RAI1: variants seen among roughly 807,000 people sequenced by gnomAD.
RAI1 encodes retinoic acid-induced protein 1.
A neutral mutation model predicts 123.8 loss-of-function variants in RAI1; 9 were observed. That is an observed-to-expected ratio of 0.07 (90% CI 0.04 to 0.13). The LOEUF (loss-of-function observed/expected upper bound fraction) is 0.13. RAI1 is among the 10% of genes least tolerant of loss of function. The pLI, the probability that RAI1 is intolerant of heterozygous loss-of-function variation, is 1.00. For missense variants in RAI1, 2,256 were observed against 2,545.8 expected, an observed-to-expected ratio of 0.89 and a Z score of 2.45; for synonymous variants, 1,231 against 1,127.3, an observed-to-expected ratio of 1.09 and a Z score of -1.84.
intron 2 of RAI1, among the ~76,000 whole-genome samples, chr17:17,782,785 C>T (rs966958835): frequency 2.6e-5 from 4 of 152,142 alleles, no homozygotes; most frequent in African/African-American, 9.7e-5. Context: ...TTTCTCCACA[C>T]CGCCGGCCGT....
At chr17:17,787,763 C>T (rs1268579132) in intron 2 of RAI1, among the ~76,000 whole-genome samples, 1 of 152,198 alleles carries the variant, frequency 6.6e-6, no homozygotes, top group African/African-American at 2.4e-5. Flanking sequence ...GACCTGGGCA[C>T]CTAGGCAGGG....
chr17:17,783,641 C>A (rs2031706596), intron 2 of RAI1, among the ~76,000 whole-genome samples: 1 of 152,184 alleles, frequency 6.6e-6, no homozygotes, highest in African/African-American at 2.4e-5. Context: ...TAACCCTGCT[C>A]GCGCTGGGGC....
rs568931421 is a variant in RAI1 at position 17,714,134 on chromosome 17, T to G, written c.-148-9894T>G. ...CCCTCCTTCCATTTCTGGGCAGCCC[T>G]GCCTGCTAGCAAGCTCTTCCTTATA... On this transcript the variant is annotated intron_variant, in intron 1 of 5. Transcript: ENST00000353383. This position sits in a 1 kb window ranked among gnomAD's most constrained non-coding sequence, Gnocchi z 4.9. Among the ~76,000 whole-genome samples the G allele has an allele frequency of 6.6e-6, 1 of 152,238 alleles. No individual in the cohort carries two copies. Among genetic ancestry groups the G allele is most frequent in the South Asian group, 2.1e-4 (1 of 4,826 alleles).
At chr17:17,688,045 A>AT (rs920073604) in intron 1 of RAI1, among the ~76,000 whole-genome samples, 1 of 139,270 alleles carries the variant, frequency 7.2e-6, no homozygotes, top group Non-Finnish European at 1.6e-5. Flanking sequence ...AAAAAAAAAA[A>AT]AGTGAGTGTT....
intron 1 of RAI1, among the ~76,000 whole-genome samples, chr17:17,720,715 T>G (rs1001696827): frequency 1.3e-5 from 2 of 152,174 alleles, no homozygotes; most frequent in Non-Finnish European, 2.9e-5. Flanking sequence ...GGCAAGTTCT[T>G]TGCAGGCTCT....
At chr17:17,773,270 C>T (rs1456775185) in intron 2 of RAI1, among the ~76,000 whole-genome samples, 3 of 152,272 alleles carry the variant, frequency 2.0e-5, no homozygotes, top group East Asian at 1.9e-4. Flanking sequence ...CTGTGCCCAG[C>T]GTGGAGGCTC....
chr17:17,682,978 C>T (rs1914493651), intron 1 of RAI1, among the ~76,000 whole-genome samples: 1 of 152,152 alleles, frequency 6.6e-6, no homozygotes, highest in Non-Finnish European at 1.5e-5. Flanking sequence ...GCGCGCCGCA[C>T]ACTCTCCCGC....
intron 2 of RAI1, 117 bp from the exon 3 acceptor site, chr17:17,792,816 G>A: frequency 1.2e-6 from 1 of 825,746 alleles, no homozygotes; most frequent in Non-Finnish European, 2.0e-6. Context: ...TGGGTGGGAG[G>A]GTGCTTTCTG....
chr17:17,755,383 G>GGAGA (rs1189805272), intron 2 of RAI1, among the ~76,000 whole-genome samples: 3 of 152,190 alleles, frequency 2.0e-5, no homozygotes. Context: ...AGGAGGGCAG[G>GGAGA]GAGAGCACTG....
chr17:17,794,262 G>A lies in RAI1; in HGVS notation c.1314G>A (p.Leu438=). 1 of 1,613,304 alleles carries A rather than the reference G, an allele frequency of 6.2e-7. No individual in the cohort carries two copies. The highest frequency in any genetic ancestry group is 1.3e-5 in the African/African-American group (1 of 75,044). ...SDLSLQSLTA[L]TSQVENISNT... ...TCAGCCTGCAGAGCCTCACGGCGCT[G>A]ACCTCACAGGTGGAGAACATCTCCA... The change falls in exon 3 of 6, where the codon CTG becomes CTA. Residue 438 remains leucine (L), a synonymous_variant. Coordinates refer to ENST00000353383, the MANE Select transcript of RAI1 (RefSeq NM_030665.4).
In RAI1 at chr17:17,714,727, A is replaced by C. The variant is rs892789796; in HGVS notation, c.-148-9301A>C. On this transcript the variant is annotated intron_variant, in intron 1 of 5. Transcript: ENST00000353383. This position sits in a 1 kb window ranked among gnomAD's most constrained non-coding sequence, Gnocchi z 4.9. ...GAGCAGCAGGCAGCCTCTCCCCTGC[A>C]GAAGGGCACAGAAGCAGGACTGGAA... is the stretch of plus-strand genomic sequence containing the variant. Among the ~76,000 whole-genome samples, 3 of 152,200 alleles carry C rather than the reference A, an allele frequency of 2.0e-5. No homozygotes were observed. Among genetic ancestry groups the C allele is most frequent in the Admixed American group, 6.5e-5 (1 of 15,290 alleles).
intron 2 of RAI1, among the ~76,000 whole-genome samples, chr17:17,784,709 G>T (rs1037101688): frequency 2.0e-5 from 3 of 152,186 alleles, no homozygotes; most frequent in African/African-American, 4.8e-5. Context: ...ACACAGGAGG[G>T]TGGCTCGGCG....
chr17:17,697,616 G>C (rs755323332), intron 1 of RAI1, among the ~76,000 whole-genome samples: 1 of 152,232 alleles, frequency 6.6e-6, no homozygotes, highest in Non-Finnish European at 1.5e-5. Context: ...CCTGGGTGTG[G>C]AATTTAACCA....
chr17:17,718,005 A>G (rs1037401585), intron 1 of RAI1, among the ~76,000 whole-genome samples: 2 of 152,218 alleles, frequency 1.3e-5, no homozygotes, highest in African/African-American at 4.8e-5. Flanking sequence ...GGAAAACTAC[A>G]GACAGAAAAG....
chr17:17,746,475 A>G (rs1159642652), intron 2 of RAI1, among the ~76,000 whole-genome samples: 1 of 152,056 alleles, frequency 6.6e-6, no homozygotes, highest in Admixed American at 6.5e-5. Flanking sequence ...AGGAGCTACC[A>G]CCGTTCTCTG....
chr17:17,744,032 G>T (rs1334229718), intron 2 of RAI1, among the ~76,000 whole-genome samples: 1 of 152,212 alleles, frequency 6.6e-6, no homozygotes, highest in East Asian at 1.9e-4. Flanking sequence ...TTTTTGCACA[G>T]TTCTGGCCAC....
intron 1 of RAI1, among the ~76,000 whole-genome samples, chr17:17,717,642 C>T (rs1409332058): frequency 1.3e-5 from 2 of 151,992 alleles, no homozygotes; most frequent in Non-Finnish European, 2.9e-5. Flanking sequence ...GCTGCCCTGT[C>T]CTCTCTTTCC....
intron 2 of RAI1, among the ~76,000 whole-genome samples, chr17:17,728,830 AC>A (rs2142943258): frequency 6.6e-6 from 1 of 152,218 alleles, no homozygotes; most frequent in South Asian, 2.1e-4. Context: ...CAGTCCTCTG[AC>A]CCCGAGGCCC....
At chr17:17,791,146 A>G (rs1047148333) in intron 2 of RAI1, among the ~76,000 whole-genome samples, 2 of 152,108 alleles carry the variant, frequency 1.3e-5, no homozygotes, top group Non-Finnish European at 2.9e-5. Context: ...GCCGGCCCCC[A>G]CACTGGGCTG....
Sources: allele counts gnomAD v4.1 joint callset (sites outside exome capture counted in the v4.1 genomes callset), GRCh38; gene constraint gnomAD v4.1.1; non-coding constraint Gnocchi (gnomAD v3.1); transcripts MANE v1.5; gene names NCBI Gene and HGNC (gene_info 2026-07-23, HGNC 2026-07-21).